KPNA3: variants seen among roughly 807,000 people sequenced by gnomAD.
KPNA3 encodes importin subunit alpha-4.
In KPNA3, 13 loss-of-function variants were observed where a neutral mutation model predicts 73.8. The observed-to-expected ratio is 0.18, with a 90% CI of 0.11 to 0.28. The LOEUF (loss-of-function observed/expected upper bound fraction) is 0.28. KPNA3 is among the 10% of genes least tolerant of loss of function. The pLI, the probability that KPNA3 is intolerant of heterozygous loss-of-function variation, is 1.00. For missense variants in KPNA3, 360 were observed against 618.1 expected (o/e 0.58, Z 4.43); for synonymous variants, 186 against 206.9 (o/e 0.90, Z 0.87).
chr13:49,736,124 T>G (rs1954519169), intron 2 of KPNA3, among the ~76,000 whole-genome samples: 2 of 152,200 alleles, frequency 1.3e-5, no homozygotes, highest in South Asian at 4.1e-4. Context: ...TCATCTAGTT[T>G]AGGTTTTAGT....
intron 2 of KPNA3, among the ~76,000 whole-genome samples, chr13:49,740,569 C>G (rs184882629): frequency 6.6e-6 from 1 of 152,270 alleles, no homozygotes; most frequent in East Asian, 1.9e-4. Context: ...GCTCTCTTGT[C>G]TGCTGTCATA....
intron 12 of KPNA3, among the ~76,000 whole-genome samples, chr13:49,707,031 G>A (rs1449470212): frequency 6.6e-6 from 1 of 152,122 alleles, no homozygotes. Context: ...TTACAGGCAT[G>A]AGCCACCGCG....
chr13:49,785,435 A>G (rs749491288), intron 1 of KPNA3, among the ~76,000 whole-genome samples: 3 of 152,234 alleles, frequency 2.0e-5, no homozygotes, highest in Non-Finnish European at 4.4e-5. Context: ...TGATGATGCC[A>G]TAAACAGAAA....
chr13:49,716,379 T>C (rs1220603494), intron 10 of KPNA3, among the ~76,000 whole-genome samples: 2 of 152,200 alleles, frequency 1.3e-5, no homozygotes, highest in African/African-American at 4.8e-5. Flanking sequence ...ATTAAATCTC[T>C]GCCTTATTTT....
intron 2 of KPNA3, among the ~76,000 whole-genome samples, chr13:49,742,458 C>T (rs1432330659): frequency 1.3e-5 from 2 of 151,552 alleles, no homozygotes; most frequent in Non-Finnish European, 2.9e-5. Flanking sequence ...CTTTTCTGTT[C>T]CACTGTTCTG....
chr13:49,739,906 G>A (rs531551979), intron 2 of KPNA3, among the ~76,000 whole-genome samples: 125 of 152,266 alleles, frequency 8.2e-4, no homozygotes, highest in Admixed American at 2.2e-3. Flanking sequence ...TATGTATTGA[G>A]TAAAACATGA....
chr13:49,702,328 A>G, intron 16 of KPNA3, 58 bp downstream of exon 16: 3 of 884,070 alleles, frequency 3.4e-6, no homozygotes, highest in Non-Finnish European at 5.4e-6. Context: ...TAGTAAATTT[A>G]CATCATGTAT....
At chr13:49,761,695 C>T (rs1284819982) in intron 1 of KPNA3, among the ~76,000 whole-genome samples, 3 of 151,786 alleles carry the variant, frequency 2.0e-5, no homozygotes, top group Admixed American at 1.3e-4. Flanking sequence ...TCTGCCTGGC[C>T]GCCCATCGTC....
At chr13:49,711,525 T>A (rs1954260417) in intron 10 of KPNA3, among the ~76,000 whole-genome samples, 1 of 152,242 alleles carries the variant, frequency 6.6e-6, no homozygotes, top group Non-Finnish European at 1.5e-5. Flanking sequence ...GCACTTTAAC[T>A]TCATCTGGGG....
Position 49,732,609 on chromosome 13 carries a change from C to A in KPNA3, c.283G>T (p.Ala95Ser). Residue 95 changes from alanine to serine, a missense_variant, in exon 5 of 17, where the codon GCA (alanine) becomes TCA (serine). Ala to Ser is a moderately conservative substitution (Grantham distance 99). This residue lies in a region of KPNA3 where 287 missense variants were observed against 549.1 expected (regional missense o/e 0.52). Coordinates refer to ENST00000261667, the MANE Select transcript of KPNA3 (RefSeq NM_002267.4). ...PVVQLSAVQA[A>S]RKLLSSDRNP... ...TCTAGACAAATTAGTATTTACCTTG[C>A]TGCCTGGACAGCACTCAATTGGACC... The A allele has an allele frequency of 6.2e-7, 1 of 1,607,526 alleles. No individual in the cohort carries two copies. The highest frequency in any genetic ancestry group is 8.5e-7 in the Non-Finnish European group (1 of 1,175,108).
intron 1 of KPNA3, among the ~76,000 whole-genome samples, chr13:49,757,643 C>T (rs1954722677): frequency 6.6e-6 from 1 of 151,852 alleles, no homozygotes; most frequent in African/African-American, 2.4e-5. Context: ...ACCACAGGAC[C>T]CAGCAACTAC....
chr13:49,709,371 A>AG (rs1354907589), intron 12 of KPNA3, among the ~76,000 whole-genome samples: 1 of 149,092 alleles, frequency 6.7e-6, no homozygotes, highest in African/African-American at 2.5e-5. Context: ...ACTGCACTCC[A>AG]GCCTAGGCAA....
At position 49,707,745 on chromosome 13, in the gene KPNA3, G is replaced by T. The variant is rs533458287; in HGVS notation, c.1033-1373C>A. Among the ~76,000 whole-genome samples, 30 of 150,998 alleles carry T rather than the reference G, an allele frequency of 2.0e-4. No individual in the cohort carries two copies. The South Asian group carries it at 2.9e-3, about 15-fold the overall frequency. Reference sequence around the variant, plus strand: ...ATTGTTAAAAATTTCTTTAGTAAAAGTAACTGGCCCAGAGTCTGAAAGTCT... The same window carrying T: ...ATTGTTAAAAATTTCTTTAGTAAAATTAACTGGCCCAGAGTCTGAAAGTCT... On this transcript the variant is annotated intron_variant, in intron 12 of 16. Transcript: ENST00000261667.
chr13:49,704,680 CAG>C (rs1362235485), intron 15 of KPNA3, among the ~76,000 whole-genome samples: 2 of 151,936 alleles, frequency 1.3e-5, no homozygotes, highest in Admixed American at 6.6e-5. Flanking sequence ...CATTTAAAAA[CAG>C]AATTTTAACA....
At chr13:49,720,729 C>CAA (rs10707385) in intron 9 of KPNA3, among the ~76,000 whole-genome samples, 91 of 87,868 alleles carry the variant, frequency 1.0e-3, no homozygotes, top group South Asian at 1.6e-3. Flanking sequence ...GAGACTGTCT[C>CAA]AAAAAAAAAA....
chr13:49,762,639 G>A (rs1954776779), intron 1 of KPNA3, among the ~76,000 whole-genome samples: 1 of 152,088 alleles, frequency 6.6e-6, no homozygotes, highest in South Asian at 2.1e-4. Flanking sequence ...TGCAAGATGT[G>A]CTTTGTTAAA....
rs925566541 is a variant in KPNA3 at position 49,700,253 on chromosome 13, A to C, written c.*1547T>G. 4.6e-5 allele frequency: 7 copies of C among 152,604 alleles called. No homozygotes were observed. The highest frequency in any genetic ancestry group is 1.0e-4 in the Non-Finnish European group (7 of 68,024). 9.5% of individuals were successfully genotyped at this position (152,604 alleles called of 1,614,324 possible). ...GTGAAAACACCCCAGCTGATTCACA[A>C]AGCTCTGATGGCATCTGTCTCATCT... On this transcript the variant is annotated 3_prime_UTR_variant, in exon 17 of 17. Transcript: ENST00000261667.
chr13:49,772,167 G>C (rs1954861190), intron 1 of KPNA3, among the ~76,000 whole-genome samples: 2 of 152,046 alleles, frequency 1.3e-5, no homozygotes. Context: ...CTTTCATCTT[G>C]TTTTCTTGCC....
At chr13:49,737,546 A>G (rs979729085) in intron 2 of KPNA3, among the ~76,000 whole-genome samples, 1 of 144,018 alleles carries the variant, frequency 6.9e-6, no homozygotes, top group Non-Finnish European at 1.5e-5. Flanking sequence ...TTTTCTTACT[A>G]TTAAGTGTGT....
Sources: allele counts gnomAD v4.1 joint callset (sites outside exome capture counted in the v4.1 genomes callset), GRCh38; gene constraint gnomAD v4.1.1; regional missense constraint gnomAD v4.1.1; transcripts MANE v1.5; gene names NCBI Gene and HGNC (gene_info 2026-07-23, HGNC 2026-07-21).